Variants in CLSPN observed in about 807,000 individuals in gnomAD.
CLSPN encodes claspin, also known as claspin homolog.
In CLSPN, 85 loss-of-function variants were observed where a neutral mutation model predicts 156.3. The ratio of observed to expected loss-of-function variants is 0.54; its 90% CI spans 0.46 to 0.65. CLSPN has a LOEUF of 0.65. Among genes scored for constraint, CLSPN ranks in the 30% least tolerant of loss-of-function variants. CLSPN has a pLI of 0.00. For missense variants in CLSPN, 1,407 were observed against 1,554.9 expected (o/e 0.90, Z 1.60); for synonymous variants, 534 against 542.4 (o/e 0.98, Z 0.22).
chr1:35,736,766 G>A (rs1395346717), intron 24 of CLSPN, 148 bp downstream of exon 24: 1 of 1,292,318 alleles, frequency 7.7e-7, no homozygotes, highest in African/African-American at 1.5e-5. Flanking sequence ...ATTACCGACT[G>A]GGGTAGCAAT....
chr1:35,745,488 C>G lies in CLSPN; in HGVS notation c.2929G>C (p.Ala977Pro). 1.2e-6 allele frequency: 2 copies of G among 1,613,986 alleles called. No homozygotes were observed. The highest frequency in any genetic ancestry group is 1.7e-6 in the Non-Finnish European group (2 of 1,179,926). The change falls in exon 16 of 25, where the codon GCA becomes CCA. Residue 977 changes from alanine to proline, a missense_variant. Transcript: ENST00000318121. The part of the protein sequence containing the change: ...ESSMGDPMEE[A>P]LALCSGSFPT... ...AAAGAGCCTGAGCAAAGAGCAAGTG[C>G]TTCTTCCATTGGATCACCCATGCTG...
intron 9 of CLSPN, among the ~76,000 whole-genome samples, chr1:35,753,366 C>T (rs1458901035): frequency 2.0e-5 from 3 of 149,064 alleles, no homozygotes; most frequent in South Asian, 4.3e-4. Context: ...GCTAGGATTA[C>T]AGGCATGTGC....
intron 16 of CLSPN, among the ~76,000 whole-genome samples, chr1:35,745,132 A>T (rs1641832658): frequency 6.6e-6 from 1 of 152,038 alleles, no homozygotes; most frequent in Non-Finnish European, 1.5e-5. Context: ...TTACATTCTC[A>T]CCAATAGTAC....
At chr1:35,725,750 C>T (rs1641168893) in intron 24 of CLSPN, among the ~76,000 whole-genome samples, 1 of 152,148 alleles carries the variant, frequency 6.6e-6, no homozygotes, top group Non-Finnish European at 1.5e-5. Context: ...GTATAAACCG[C>T]TCTGCTCCAG....
chr1:35,734,692 A>AAG lies in CLSPN; in HGVS notation c.*1803_*1804insCT. 2.4e-6 allele frequency: 2 copies of AAG among 839,440 alleles called. No homozygotes were observed. The highest frequency in any genetic ancestry group is 2.8e-6 in the Non-Finnish European group (2 of 719,450). The allele number at this position is 839,440 out of a possible 1,614,324, so 52.0% of individuals were successfully genotyped here. Reference sequence around the variant, plus strand: ...GCCTATGTCTCAAAAAAAAAAAAAGAAAAGAAAAGAAAAGAAAAAGAAAAA... The same window carrying AAG: ...GCCTATGTCTCAAAAAAAAAAAAAGAAGAAAGAAAAGAAAAGAAAAAGAAAAA... On this transcript the variant is annotated 3_prime_UTR_variant, in exon 25 of 25. Transcript: ENST00000318121.
At chr1:35,730,471 G>A (rs1308058000), downstream of CLSPN, among the ~76,000 whole-genome samples, 1 of 151,122 alleles carries the variant, frequency 6.6e-6, no homozygotes, top group Non-Finnish European at 1.5e-5. Flanking sequence ...TTGGGAGGCT[G>A]AGGCAGGAGA....
rs750710533 is a variant in CLSPN, at chr1:35,751,318, C to T, written c.1960G>A (p.Glu654Lys). ...TCTTCCTCTAGTTCTTCCTCTTTCT[C>T]TTCTTTCTCTACCTTCTCTTCTCCA... ...EDGEEKVEKE[E>K]KEEELEEEEE... The change falls in exon 10 of 25, where the codon GAG becomes AAG. Residue 654 changes from glutamate to lysine, a missense_variant. Around this residue, in one of 3 missense-constraint regions of CLSPN, gnomAD observed 1,096 missense variants for 1,193.0 expected, o/e 0.92. Coordinates refer to ENST00000318121, the MANE Select transcript of CLSPN (RefSeq NM_022111.4). The T allele has an allele frequency of 5.0e-6, 8 of 1,590,012 alleles. 1 individual carries two copies. The South Asian group carries it at 8.8e-5, about 18-fold the overall frequency.
At position 35,736,441 on chromosome 1, in the gene CLSPN, G is replaced by A; in HGVS notation, c.*55C>T. The A allele has an allele frequency of 6.6e-7, 1 of 1,511,278 alleles. No individual in the cohort carries two copies. The highest frequency in any genetic ancestry group is 8.8e-7 in the Non-Finnish European group (1 of 1,130,698). 93.6% of individuals were successfully genotyped at this position (1,511,278 alleles called of 1,614,324 possible). On this transcript the variant is annotated 3_prime_UTR_variant, in exon 25 of 25. Coordinates refer to ENST00000318121, the MANE Select transcript of CLSPN (RefSeq NM_022111.4). ...GCTGGAGTGTCAATTCCAACTTTCAGTGCTAGAAACTTCTCAAAGCAGTCT... is the reference window on the plus strand; with the variant it reads ...GCTGGAGTGTCAATTCCAACTTTCAATGCTAGAAACTTCTCAAAGCAGTCT...
intron 9 of CLSPN, among the ~76,000 whole-genome samples, chr1:35,753,441 G>A (rs1642161663): frequency 1.3e-5 from 2 of 152,028 alleles, no homozygotes; most frequent in Non-Finnish European, 2.9e-5. Flanking sequence ...GAGTTTAAAA[G>A]GATACACGAT....
At chr1:35,762,290 A>G (rs1006904183) in intron 5 of CLSPN, 114 bp downstream of exon 5, 2 of 967,224 alleles carry the variant, frequency 2.1e-6, no homozygotes, top group African/African-American at 3.3e-5. Context: ...GTACAAAGCA[A>G]TATGATGGGT....
downstream of CLSPN, among the ~76,000 whole-genome samples, chr1:35,727,172 C>G (rs1315900065): frequency 1.3e-5 from 2 of 152,222 alleles, no homozygotes; most frequent in African/African-American, 4.8e-5. Context: ...AACTCTGAGA[C>G]TGTTTAATGT....
At chr1:35,722,598 T>A (rs1219912146) in intron 24 of CLSPN, among the ~76,000 whole-genome samples, 1 of 151,792 alleles carries the variant, frequency 6.6e-6, no homozygotes, top group East Asian at 2.0e-4. Context: ...GTCAAGTGAA[T>A]TCATTTAAAG....
intron 8 of CLSPN, among the ~76,000 whole-genome samples, chr1:35,755,631 T>G (rs1642248069): frequency 6.6e-6 from 1 of 152,082 alleles, no homozygotes; most frequent in Non-Finnish European, 1.5e-5. Flanking sequence ...GGTCTTGAAC[T>G]CCTGGACTGA....
rs898024265 is a variant in CLSPN, at chr1:35,737,031, C to A, written c.3792G>T (p.Gln1264His). 6.2e-7 allele frequency: 1 copy of A among 1,614,156 alleles called. No homozygotes were observed. Among genetic ancestry groups the A allele is most frequent in the African/African-American group, 1.3e-5 (1 of 75,038 alleles). Reference sequence around the variant, plus strand: ...TATGGTCAGAGAGAGCAGCCAGTTTCTGAAGCACAGCTTTGGGCTGGTTTA... The same window carrying A: ...TATGGTCAGAGAGAGCAGCCAGTTTATGAAGCACAGCTTTGGGCTGGTTTA... Reference protein sequence around the residue: ...SLLNQPKAVLQKLAALSDHNP... With the variant: ...SLLNQPKAVLHKLAALSDHNP... Residue 1264 changes from glutamine to histidine, a missense_variant, in exon 24 of 25, where the codon CAG becomes CAT. Gln to His is a conservative substitution (Grantham distance 24). Coordinates refer to ENST00000318121, the MANE Select transcript of CLSPN (RefSeq NM_022111.4).
chr1:35,763,454 C>T lies in CLSPN; in HGVS notation c.583-133G>A. On this transcript the variant is annotated intron_variant, in intron 3 of 24. Coordinates refer to ENST00000318121, the MANE Select transcript of CLSPN (RefSeq NM_022111.4). The stretch of plus-strand genomic sequence containing the variant: ...ACAGACAAGCATATAAAATCTAGAA[C>T]ATTCTTACTGGTTTCTAACTCACAT... The T allele has an allele frequency of 8.8e-6, 5 of 571,036 alleles. No individual in the cohort carries two copies. The South Asian group carries it at 1.4e-4, about 16-fold the overall frequency. The allele number at this position is 571,036 out of a possible 1,614,324, so 35.4% of individuals were successfully genotyped here. A position where few individuals can be genotyped will look rare whatever the true frequency, so the allele number is the denominator to read the frequency against.
At position 35,762,031 on chromosome 1, in the gene CLSPN, G is replaced by C; in HGVS notation, c.862C>G (p.Gln288Glu). The change falls in exon 6 of 25, where the codon CAA (glutamine) becomes GAA (glutamate). Residue 288 changes from glutamine (Q) to glutamate (E), a missense_variant. Transcript: ENST00000318121. ...AGGCGCTGAGTCTCACTATGCAGTT[G>C]TTTTAATGCTTCTTTACTTAATCTG... is the stretch of plus-strand genomic sequence containing the variant. ...AARLSKEALK[Q>E]LHSETQRLIR... 6.2e-7 allele frequency: 1 copy of C among 1,613,596 alleles called. No homozygotes were observed.
intron 2 of CLSPN, 136 bp from the exon 3 acceptor site, chr1:35,764,850 T>C: frequency 3.6e-6 from 2 of 561,874 alleles, no homozygotes; most frequent in Non-Finnish European, 5.9e-6. Context: ...GAACTGATTG[T>C]AGCAAAGCAA....
intron 13 of CLSPN, 53 bp downstream of exon 13, chr1:35,748,352 G>A: frequency 6.6e-7 from 1 of 1,520,890 alleles, no homozygotes; most frequent in Non-Finnish European, 9.1e-7. Flanking sequence ...ACTTTATTTA[G>A]CAATGTGGGA....
At chr1:35,747,803 C>G (rs1047096630) in intron 14 of CLSPN, 104 bp downstream of exon 14, 23 of 1,134,610 alleles carry the variant, frequency 2.0e-5, no homozygotes, top group Non-Finnish European at 2.8e-5. Flanking sequence ...TTCTCTTTCT[C>G]AGAAGAGAAA....
Sources: gnomAD v4.1 joint callset for allele counts (sites outside exome capture counted in the v4.1 genomes callset) on GRCh38, gnomAD v4.1.1 for gene constraint, gnomAD v4.1.1 regional missense constraint, MANE v1.5 for transcripts, NCBI Gene and HGNC (gene_info 2026-07-23, HGNC 2026-07-21) for gene names.